SLC5A12: variants seen among roughly 807,000 people sequenced by gnomAD.
SLC5A12 encodes solute carrier family 5 member 12.
A neutral mutation model predicts 72.7 loss-of-function variants in SLC5A12; 46 were observed. That is an observed-to-expected ratio of 0.63 (90% CI 0.50 to 0.81). The LOEUF (loss-of-function observed/expected upper bound fraction) is 0.81. Ranked by LOEUF, SLC5A12 falls within the 30% of genes least tolerant of loss-of-function variation. SLC5A12 has a pLI of 0.00. For missense variants in SLC5A12, 683 were observed against 740.7 expected (o/e 0.92, Z 0.90); for synonymous variants, 275 against 264.4 (o/e 1.04, Z -0.39).
At chr11:26,683,374 T>C (rs1160535570) in intron 11 of SLC5A12, among the ~76,000 whole-genome samples, 2 of 152,174 alleles carry the variant, frequency 1.3e-5, no homozygotes, top group African/African-American at 2.4e-5. Context: ...TAGGTAACTA[T>C]ACACAGAAAA....
rs1565192059 is a variant in SLC5A12 at position 26,692,618 on chromosome 11, G to C, written c.1041-17C>G. The C allele has an allele frequency of 1.3e-6, 2 of 1,575,094 alleles. No homozygotes were observed. Among genetic ancestry groups the C allele is most frequent in the African/African-American group, 2.7e-5 (2 of 74,150 alleles). ...GCCACGGTGCTATAAGGAAAGAAAAGTGAGAACATGGTCTAAGCTATATAA... is the reference window on the plus strand; with the variant it reads ...GCCACGGTGCTATAAGGAAAGAAAACTGAGAACATGGTCTAAGCTATATAA... On this transcript the variant is annotated splice_polypyrimidine_tract_variant and intron_variant, in intron 8 of 14. Transcript: ENST00000396005.
chr11:26,718,111 C>T (rs1482848612), intron 1 of SLC5A12, among the ~76,000 whole-genome samples: 8 of 152,096 alleles, frequency 5.3e-5, no homozygotes, highest in Admixed American at 2.6e-4. Context: ...GAAAGCATAC[C>T]TTTCAATAAC....
chr11:26,706,062 C>T (rs527853520), intron 4 of SLC5A12, among the ~76,000 whole-genome samples: 1 of 152,032 alleles, frequency 6.6e-6, no homozygotes, highest in African/African-American at 2.4e-5. Context: ...AATGTTTGCC[C>T]TACTAAACTA....
intron 14 of SLC5A12, among the ~76,000 whole-genome samples, chr11:26,672,283 A>G (rs1215198061): frequency 7.2e-6 from 1 of 138,330 alleles, no homozygotes; most frequent in African/African-American, 2.6e-5. Context: ...CAACTCAGAA[A>G]TATTTGCCAT....
At chr11:26,701,135 A>C (rs1194667120) in intron 6 of SLC5A12, among the ~76,000 whole-genome samples, 1 of 150,732 alleles carries the variant, frequency 6.6e-6, no homozygotes, top group Non-Finnish European at 1.5e-5. Flanking sequence ...GCTGTGTGAC[A>C]GATGGGACCC....
At chr11:26,679,763 T>C (rs1854347829) in intron 12 of SLC5A12, among the ~76,000 whole-genome samples, 1 of 152,130 alleles carries the variant, frequency 6.6e-6, no homozygotes, top group Admixed American at 6.6e-5. Flanking sequence ...AGTTTTAAGT[T>C]TGGCAGGTAT....
intron 13 of SLC5A12, among the ~76,000 whole-genome samples, chr11:26,675,700 C>A (rs892031590): frequency 6.6e-6 from 1 of 152,138 alleles, no homozygotes; most frequent in Non-Finnish European, 1.5e-5. Context: ...GCAGAACCAA[C>A]TCTATGCCAA....
intron 8 of SLC5A12, among the ~76,000 whole-genome samples, chr11:26,693,783 GAT>G (rs144254458): frequency 4.0e-5 from 6 of 151,092 alleles, no homozygotes; most frequent in Admixed American, 6.6e-5. Context: ...TTCTCTAAGT[GAT>G]ATATATATAT....
chr11:26,683,709 G>A (rs1854460289), intron 11 of SLC5A12, 48 bp downstream of exon 11: 1 of 1,468,526 alleles, frequency 6.8e-7, no homozygotes, highest in African/African-American at 1.4e-5. Context: ...GAAAACGGCT[G>A]GGCCCAGTTT....
At chr11:26,715,316 G>A (rs1003108774) in intron 1 of SLC5A12, among the ~76,000 whole-genome samples, 1 of 129,626 alleles carries the variant, frequency 7.7e-6, no homozygotes, top group Non-Finnish European at 1.7e-5. Flanking sequence ...CTGAGCCTTT[G>A]CACAGGGCCA....
Position 26,703,718 on chromosome 11 carries a change from C to T in SLC5A12, c.681-47G>A, listed in dbSNP as rs762601393. The T allele has an allele frequency of 2.5e-6, 4 of 1,612,778 alleles. No homozygotes were observed. In the South Asian group the frequency reaches 4.4e-5, roughly 18 times the overall value. On this transcript the variant is annotated intron_variant, in intron 5 of 14. Coordinates refer to ENST00000396005, the MANE Select transcript of SLC5A12 (RefSeq NM_178498.4). ...GTGAACAAAGATATTCCTTTGATGCCTAAGATATTATTTTAGGTGATAAGG... is the reference window on the plus strand; with the variant it reads ...GTGAACAAAGATATTCCTTTGATGCTTAAGATATTATTTTAGGTGATAAGG...
chr11:26,677,757 T>C (rs544477464), intron 13 of SLC5A12, among the ~76,000 whole-genome samples: 97 of 152,312 alleles, frequency 6.4e-4, no homozygotes, highest in Middle Eastern at 3.4e-3. Context: ...GGAGCTTCAA[T>C]ATAACATCTC....
At chr11:26,678,945 A>G (rs934275678) in intron 12 of SLC5A12, 130 bp from the exon 13 acceptor site, 2 of 516,418 alleles carry the variant, frequency 3.9e-6, no homozygotes, top group Admixed American at 7.3e-5. Flanking sequence ...GTCATTTAAA[A>G]AATTATATTT....
rs118189696 is a variant in SLC5A12, at chr11:26,720,900, G to A, written c.339+476C>T. 6.2e-3 allele frequency among the ~76,000 whole-genome samples: 948 copies of A among 152,184 alleles called. 12 individuals are homozygous for A. The East Asian group carries it at 0.066, about 11-fold the overall frequency. ...ATTAAAATGCCCTCTACTCTCTGAC[G>A]GAAAGGCCACTAAGTAGAGATACAG... is the stretch of plus-strand genomic sequence containing the variant. On this transcript the variant is annotated intron_variant, in intron 1 of 14. Transcript: ENST00000396005.
intron 1 of SLC5A12, 37 bp from the exon 2 acceptor site, chr11:26,712,743 T>A: frequency 6.6e-7 from 1 of 1,504,624 alleles, no homozygotes; most frequent in South Asian, 1.2e-5. Flanking sequence ...GTCAGTGAGG[T>A]TTAGATAAGA....
intron 1 of SLC5A12, among the ~76,000 whole-genome samples, chr11:26,718,530 T>C (rs1420954559): frequency 6.6e-6 from 1 of 152,052 alleles, no homozygotes; most frequent in Non-Finnish European, 1.5e-5. Flanking sequence ...ATCTCGGCAG[T>C]TCACTGCAAC....
chr11:26,689,139 T>C (rs377265154), intron 9 of SLC5A12, among the ~76,000 whole-genome samples: 16 of 149,364 alleles, frequency 1.1e-4, no homozygotes, highest in African/African-American at 3.9e-4. Context: ...CTCATGCCTG[T>C]AATCCCAGCA....
In SLC5A12 at chr11:26,683,824, C is replaced by T. The variant is rs867093503; in HGVS notation, c.1241G>A (p.Gly414Asp). ...GCCCAGCATTGGTCCTCCACACATG[C>T]CGTGAATGCTGAGGGAAGCCTGTGG... ...GVVQASLSIH[G>D]MCGGPMLGLF... is the part of the protein sequence containing the mutation. Residue 414 changes from glycine (G) to aspartate (D), a missense_variant, in exon 11 of 15, where the codon GGC (glycine) becomes GAC (aspartate). Physicochemically the swap from Gly to Asp is moderately conservative, Grantham distance 94 (BLOSUM62 -1). Transcript: ENST00000396005. 3.1e-6 allele frequency: 5 copies of T among 1,596,408 alleles called. No individual in the cohort carries two copies. The highest frequency in any genetic ancestry group is 1.3e-5 in the African/African-American group (1 of 74,698).
At chr11:26,695,983 G>A (rs1565193658) in intron 8 of SLC5A12, among the ~76,000 whole-genome samples, 1 of 152,036 alleles carries the variant, frequency 6.6e-6, no homozygotes, top group Non-Finnish European at 1.5e-5. Context: ...TCTTCACATA[G>A]CTGGCTTTTT....
Sources: allele counts gnomAD v4.1 joint callset (sites outside exome capture counted in the v4.1 genomes callset), GRCh38; gene constraint gnomAD v4.1.1; transcripts MANE v1.5; gene names NCBI Gene and HGNC (gene_info 2026-07-23, HGNC 2026-07-21).